The following ANO6 variants were observed in gnomAD, a reference collection of about 807,000 sequenced individuals.
The protein encoded by ANO6 is anoctamin-6.
In ANO6, 106 loss-of-function variants were observed where a neutral mutation model predicts 117.5. The ratio of observed to expected loss-of-function variants is 0.90; its 90% CI spans 0.77 to 1.06. The LOEUF (loss-of-function observed/expected upper bound fraction) is 1.06. Among genes scored for constraint, ANO6 ranks in the 50% least tolerant of loss-of-function variants. ANO6 has a pLI of 0.00. For synonymous variants in ANO6, 367 were observed against 385.1 expected (o/e 0.95, Z 0.55); for missense variants, 955 against 1,121.1 (o/e 0.85, Z 2.12).
intron 1 of ANO6, among the ~76,000 whole-genome samples, chr12:45,282,379 T>A (rs914956026): frequency 2.0e-5 from 3 of 152,124 alleles, no homozygotes; most frequent in Non-Finnish European, 4.4e-5. Context: ...GAGCCCTGAA[T>A]ATTTTCAGAA....
At position 45,430,797 on chromosome 12, in the gene ANO6, G is replaced by A; in HGVS notation, c.*1486G>A. On this transcript the variant is annotated 3_prime_UTR_variant, in exon 20 of 20. Coordinates refer to ENST00000320560, the MANE Select transcript of ANO6 (RefSeq NM_001025356.3). ...GCCTTGTAAGTGTCAGGCCTCCTGGGCGCTCTGGAAAAGACAGGGAGCCAG... is the reference window on the plus strand; with the variant it reads ...GCCTTGTAAGTGTCAGGCCTCCTGGACGCTCTGGAAAAGACAGGGAGCCAG... 1 of 985,382 alleles carries A rather than the reference G, an allele frequency of 1.0e-6. No homozygotes were observed. Among genetic ancestry groups the A allele is most frequent in the Middle Eastern group, 5.2e-4 (1 of 1,914 alleles). 61.0% of individuals were successfully genotyped at this position (985,382 alleles called of 1,614,324 possible).
At chr12:45,369,657 T>C (rs1330050386) in intron 9 of ANO6, among the ~76,000 whole-genome samples, 1 of 152,182 alleles carries the variant, frequency 6.6e-6, no homozygotes, top group Non-Finnish European at 1.5e-5. Context: ...AAAGCACTTT[T>C]TCTGGCTTTT....
chr12:45,255,255 A>G (rs1441763848), intron 1 of ANO6, among the ~76,000 whole-genome samples: 1 of 152,134 alleles, frequency 6.6e-6, no homozygotes, highest in African/African-American at 2.4e-5. Context: ...TCATTAGCGC[A>G]TGCTCCCTCT....
intron 1 of ANO6, among the ~76,000 whole-genome samples, chr12:45,266,124 G>C (rs927043759): frequency 5.3e-5 from 8 of 152,186 alleles, no homozygotes; most frequent in Admixed American, 3.3e-4. Context: ...TGAACTGCCT[G>C]TACCACATAT....
chr12:45,430,717 A>T lies in ANO6; in HGVS notation c.*1406A>T, dbSNP rs963447733. ...CTTCCTGCTGCACTCCTGTCTTGCC[A>T]TGCACGTCTTGCCCCCTCACTTTTG... On this transcript the variant is annotated 3_prime_UTR_variant, in exon 20 of 20. Coordinates refer to ENST00000320560, the MANE Select transcript of ANO6 (RefSeq NM_001025356.3). 7.1e-5 allele frequency: 70 copies of T among 985,308 alleles called. No individual in the cohort carries two copies. Among genetic ancestry groups the T allele is most frequent in the Non-Finnish European group, 7.7e-5 (64 of 829,966 alleles). The allele number at this position is 985,308 out of a possible 1,614,324, so 61.0% of individuals were successfully genotyped here.
At chr12:45,317,950 C>A (rs1160332372) in intron 2 of ANO6, among the ~76,000 whole-genome samples, 2 of 152,196 alleles carry the variant, frequency 1.3e-5, no homozygotes, top group African/African-American at 4.8e-5. Context: ...ATATCCTTTG[C>A]CCACTTTTTG....
At chr12:45,337,453 TGTA>T (rs1940858894) in intron 3 of ANO6, among the ~76,000 whole-genome samples, 1 of 152,080 alleles carries the variant, frequency 6.6e-6, no homozygotes, top group Non-Finnish European at 1.5e-5. Context: ...TCTAGGTTTG[TGTA>T]TGTTCATATG....
intron 1 of ANO6, chr12:45,228,291 CTTTTTTTTTTTTTTTT>C (rs34786875): frequency 1.8e-5 from 3 of 166,956 alleles, no homozygotes; most frequent in Admixed American, 8.1e-5. Context: ...CCAGGCCCTC[CTTTTTTTTTTTTTTTT>C]TTTTTTTTTT....
At chr12:45,370,439 G>A (rs920823868) in intron 9 of ANO6, among the ~76,000 whole-genome samples, 15 of 152,206 alleles carry the variant, frequency 9.9e-5, no homozygotes, top group Admixed American at 9.8e-4. Context: ...ACTGACAGAT[G>A]TGTTTCCATT....
intron 1 of ANO6, among the ~76,000 whole-genome samples, chr12:45,246,633 T>C (rs943681427): frequency 6.6e-6 from 1 of 152,218 alleles, no homozygotes; most frequent in African/African-American, 2.4e-5. Flanking sequence ...GTGGTCCGAA[T>C]GTAGACTTGT....
chr12:45,397,358 G>A (rs905280843), intron 12 of ANO6, among the ~76,000 whole-genome samples: 3 of 152,200 alleles, frequency 2.0e-5, no homozygotes, highest in Non-Finnish European at 4.4e-5. Flanking sequence ...GATAGGATGT[G>A]GAGAAATAGG....
At position 45,260,953 on chromosome 12, in the gene ANO6, G is replaced by GT. The variant is rs573752380; in HGVS notation, c.71-41053dup. On this transcript the variant is annotated intron_variant, in intron 1 of 19. Transcript: ENST00000320560. ...CAAGCATGTGCCACCGCAACCGGCT[G>GT]TTTTTTTTGTTTGTTTGTTTGTTTT... 3.6e-3 allele frequency among the ~76,000 whole-genome samples: 542 copies of GT among 149,858 alleles called. 1 individual carries two copies. Among genetic ancestry groups the GT allele is most frequent in the African/African-American group, 8.5e-3 (348 of 41,016 alleles).
At chr12:45,228,038 C>T (rs1947512123) in intron 1 of ANO6, 1 of 223,750 alleles carries the variant, frequency 4.5e-6, no homozygotes, top group Non-Finnish European at 9.2e-6. Context: ...CACAGTGGCT[C>T]CCAATAAATG....
At chr12:45,230,621 A>G (rs1345350663) in intron 1 of ANO6, among the ~76,000 whole-genome samples, 6 of 152,136 alleles carry the variant, frequency 3.9e-5, no homozygotes, top group Admixed American at 6.5e-5. Context: ...CACTTTAAAT[A>G]TATAATTTTA....
chr12:45,266,158 C>T (rs1261230700), intron 1 of ANO6, among the ~76,000 whole-genome samples: 1 of 152,166 alleles, frequency 6.6e-6, no homozygotes, highest in Non-Finnish European at 1.5e-5. Context: ...GTGATCTTTT[C>T]AGTTGTCTGC....
At chr12:45,227,486 G>T (rs1244156846) in intron 1 of ANO6, among the ~76,000 whole-genome samples, 1 of 152,100 alleles carries the variant, frequency 6.6e-6, no homozygotes, top group African/African-American at 2.4e-5. Context: ...GCCTCTCTGA[G>T]CCTGTTTCTT....
intron 7 of ANO6, among the ~76,000 whole-genome samples, chr12:45,356,686 G>A (rs1357011317): frequency 1.3e-5 from 2 of 152,114 alleles, no homozygotes; most frequent in African/African-American, 2.4e-5. Flanking sequence ...AAAGAGTAGG[G>A]TTATTCTTGC....
At chr12:45,370,352 T>G (rs1941791546) in intron 9 of ANO6, among the ~76,000 whole-genome samples, 2 of 152,272 alleles carry the variant, frequency 1.3e-5, no homozygotes, top group Non-Finnish European at 2.9e-5. Context: ...TCCATCACCT[T>G]GAGCAAGGCA....
chr12:45,256,826 A>G (rs371040393), intron 1 of ANO6: 17 of 152,172 alleles, frequency 1.1e-4, no homozygotes, highest in African/African-American at 3.1e-4. Context: ...AGATATATTA[A>G]TGTATTATTG....
Sources: gnomAD v4.1 joint callset for allele counts (sites outside exome capture counted in the v4.1 genomes callset) on GRCh38, gnomAD v4.1.1 for gene constraint, MANE v1.5 for transcripts, NCBI Gene and HGNC (gene_info 2026-07-23, HGNC 2026-07-21) for gene names.